DMD: variants seen among roughly 807,000 people sequenced by gnomAD.
DMD encodes the protein mutant dystrophin.
Under a neutral mutation model 330.1 loss-of-function variants are expected in DMD, and 63 were observed. The ratio of observed to expected loss-of-function variants is 0.19; its 90% CI spans 0.16 to 0.24. DMD has a LOEUF of 0.24. DMD is among the 10% of genes least tolerant of loss of function. DMD has a pLI of 1.00. For synonymous variants in DMD, 1,223 were observed against 959.8 expected (o/e 1.27, Z -5.07); for missense variants, 3,344 against 2,684.1 (o/e 1.25, Z -5.43).
chrX:33,208,339 A>G (rs777597578), intron 1 of DMD, among the ~76,000 whole-genome samples: 6 of 111,925 alleles, frequency 5.4e-5, no homozygotes, highest in South Asian at 7.3e-4. Flanking sequence ...CTGGGAAAAG[A>G]TTAAATGTCA....
intron 43 of DMD, among the ~76,000 whole-genome samples, chrX:32,253,627 T>G (rs968169129): frequency 4.0e-5 from 2 of 49,736 alleles, no homozygotes; most frequent in Non-Finnish European, 7.5e-5. Flanking sequence ...GATTTAATCT[T>G]TTTTTTTTTT....
At chrX:32,731,251 G>A (rs373209020) in intron 7 of DMD, among the ~76,000 whole-genome samples, 47 of 112,337 alleles carry the variant, frequency 4.2e-4, no homozygotes, top group South Asian at 1.8e-3. Context: ...CATCTGGCTC[G>A]GAGGGTCCTA....
intron 48 of DMD, among the ~76,000 whole-genome samples, chrX:31,864,533 A>G (rs1603503711): frequency 4.8e-5 from 4 of 82,519 alleles, no homozygotes; most frequent in African/African-American, 2.1e-4. Flanking sequence ...TCTATTCCCC[A>G]TGCCGGAGTG....
intron 13 of DMD, among the ~76,000 whole-genome samples, chrX:32,580,593 A>C (rs950206909): frequency 2.7e-5 from 3 of 111,759 alleles, no homozygotes; most frequent in South Asian, 7.6e-4. Context: ...GATGCTTGTG[A>C]TAGTAAGGAT....
Position 31,146,338 on chromosome X carries a change from T to C in DMD, c.10874A>G (p.Gln3625Arg). The change falls in exon 76 of 79, where the codon CAG becomes CGG. Residue 3625 changes from glutamine to arginine, a missense_variant. Physicochemically the swap from Gln to Arg is conservative, Grantham distance 43. Transcript: ENST00000357033. ...STSLQRSDSS[Q>R]PMLLRVVGSQ... Reference sequence around the variant, plus strand: ...GCCAACCACTCGGAGCAGCATAGGCTGACTGCTGTCGGACCTCTGTAGAGA... The same window carrying C: ...GCCAACCACTCGGAGCAGCATAGGCCGACTGCTGTCGGACCTCTGTAGAGA... 8.3e-7 allele frequency: 1 copy of C among 1,211,172 alleles called. No individual in the cohort carries two copies. The highest frequency in any genetic ancestry group is 1.8e-5 in the South Asian group (1 of 56,994).
chrX:31,727,084 C>CA (rs1264438697), intron 52 of DMD, among the ~76,000 whole-genome samples: 1 of 111,223 alleles, frequency 9.0e-6, no homozygotes, highest in Non-Finnish European at 1.9e-5. Context: ...CTGTATAATA[C>CA]ATTCATATTG....
chrX:33,267,754 C>T (rs2053071161), intron 1 of DMD, among the ~76,000 whole-genome samples: 1 of 110,557 alleles, frequency 9.0e-6, no homozygotes, highest in South Asian at 3.8e-4. Flanking sequence ...TAAAGCCATA[C>T]ACCTTCAACC....
intron 45 of DMD, among the ~76,000 whole-genome samples, chrX:31,948,239 T>C (rs1160673066): frequency 1.8e-5 from 2 of 111,914 alleles, no homozygotes; most frequent in African/African-American, 6.5e-5. Flanking sequence ...CCTGTATGAA[T>C]ACACCACATT....
At chrX:32,465,582 GTTTTT>G (rs1191063866) in intron 23 of DMD, among the ~76,000 whole-genome samples, 36 of 76,633 alleles carry the variant, frequency 4.7e-4, no homozygotes, top group East Asian at 8.2e-4. Context: ...TTTGTTTTTT[GTTTTT>G]TTTTTTTTTT....
chrX:32,604,727 T>C (rs1286084996), intron 12 of DMD, among the ~76,000 whole-genome samples: 1 of 109,110 alleles, frequency 9.2e-6, no homozygotes, highest in Non-Finnish European at 1.9e-5. Context: ...GAAATCAATG[T>C]ACAAAATTGG....
intron 23 of DMD, among the ~76,000 whole-genome samples, 165 bp downstream of exon 23, chrX:32,468,333 A>C (rs1207191378): frequency 2.7e-5 from 3 of 111,487 alleles, no homozygotes; most frequent in Non-Finnish European, 5.7e-5. Flanking sequence ...TAGAAGGAAT[A>C]AGCAAATCGC....
intron 9 of DMD, among the ~76,000 whole-genome samples, chrX:32,675,148 A>C (rs1458768435): frequency 9.0e-6 from 1 of 111,560 alleles, no homozygotes; most frequent in Non-Finnish European, 1.9e-5. Context: ...TTATCAATAA[A>C]ATGGAGTCAT....
intron 44 of DMD, among the ~76,000 whole-genome samples, chrX:31,990,139 C>A (rs1268627110): frequency 8.9e-6 from 1 of 112,416 alleles, no homozygotes; most frequent in African/African-American, 3.2e-5. Flanking sequence ...TAAACTAGCG[C>A]TTAATGTCTT....
At chrX:32,165,120 A>G (rs780322212) in intron 44 of DMD, among the ~76,000 whole-genome samples, 2 of 112,397 alleles carry the variant, frequency 1.8e-5, no homozygotes, top group East Asian at 5.7e-4. Flanking sequence ...TGGAGCCCCA[A>G]CACAGAGTCC....
At chrX:33,168,019 C>A (rs1255278288) in intron 1 of DMD, among the ~76,000 whole-genome samples, 2 of 111,030 alleles carry the variant, frequency 1.8e-5, no homozygotes, top group Admixed American at 1.9e-4. Flanking sequence ...ACCAACAGTA[C>A]TCTTTCTATT....
intron 12 of DMD, among the ~76,000 whole-genome samples, chrX:32,608,662 G>C (rs1204809605): frequency 9.1e-6 from 1 of 110,209 alleles, no homozygotes; most frequent in Non-Finnish European, 1.9e-5. Flanking sequence ...TGATGGAGAC[G>C]ATTTGGATAA....
chrX:33,078,882 A>C (rs1230254261), intron 1 of DMD, among the ~76,000 whole-genome samples: 1 of 111,994 alleles, frequency 8.9e-6, no homozygotes, highest in East Asian at 2.8e-4. Context: ...CACACTAATA[A>C]CATATTTATA....
intron 61 of DMD, among the ~76,000 whole-genome samples, chrX:31,346,270 T>C (rs1242389664): frequency 1.8e-5 from 2 of 110,658 alleles, no homozygotes; most frequent in Non-Finnish European, 3.8e-5. Flanking sequence ...TTCTTCATCA[T>C]TGAAATGGGT....
intron 48 of DMD, among the ~76,000 whole-genome samples, chrX:31,854,956 CA>C (rs2093590963): frequency 9.0e-6 from 1 of 111,458 alleles, no homozygotes; most frequent in African/African-American, 3.3e-5. Flanking sequence ...CAGCAATTGC[CA>C]AATTCCCCTG....
Sources: allele counts gnomAD v4.1 joint callset (sites outside exome capture counted in the v4.1 genomes callset), GRCh38; gene constraint gnomAD v4.1.1; transcripts MANE v1.5; gene names NCBI Gene and HGNC (gene_info 2026-07-23, HGNC 2026-07-21).